The following PCDH15 variants were observed in gnomAD, a reference collection of about 807,000 sequenced individuals.
PCDH15 encodes the protein protocadherin-15.
Under a neutral mutation model 178.5 loss-of-function variants are expected in PCDH15, and 129 were observed. The ratio of observed to expected loss-of-function variants is 0.72; its 90% CI spans 0.63 to 0.84. The LOEUF (loss-of-function observed/expected upper bound fraction) is 0.84, where lower values mean the gene tolerates loss of function less well. PCDH15 is among the 40% of genes least tolerant of loss of function. PCDH15 has a pLI of 0.00. For missense variants in PCDH15, 2,230 were observed against 2,099.9 expected (o/e 1.06, Z -1.21); for synonymous variants, 800 against 732.0 (o/e 1.09, Z -1.50).
At chr10:54,802,203 T>G (rs1174835150), upstream of PCDH15, among the ~76,000 whole-genome samples, 1 of 152,132 alleles carries the variant, frequency 6.6e-6, no homozygotes, top group Non-Finnish European at 1.5e-5. Flanking sequence ...ACATTAACTC[T>G]AAGAAGAAAA....
intron 2 of PCDH15, among the ~76,000 whole-genome samples, chr10:55,033,259 G>A (rs1840655142): frequency 1.3e-5 from 2 of 152,132 alleles, no homozygotes; most frequent in South Asian, 4.1e-4. Flanking sequence ...ATGATTGATG[G>A]AGTTGTGGCA....
chr10:55,255,960 C>A lies in PCDH15; in HGVS notation c.-156+63639G>T, dbSNP rs576355697. ...CAGAAGCTGTTTAGTTTAATTAGATCCCATTTGTCAATTTTGGCTTTTGTT... is the reference window on the plus strand; with the variant it reads ...CAGAAGCTGTTTAGTTTAATTAGATACCATTTGTCAATTTTGGCTTTTGTT... On this transcript the variant is annotated intron_variant, in intron 1 of 5. Coordinates refer to the PCDH15 transcript ENST00000458638. Among the ~76,000 whole-genome samples, 1,160 of 152,180 alleles carry A rather than the reference C, an allele frequency of 7.6e-3. 11 individuals are homozygous for A. Among genetic ancestry groups the A allele is most frequent in the African/African-American group, 0.026 (1,086 of 41,510 alleles).
At chr10:55,114,572 C>CT (rs1304931912) in intron 2 of PCDH15, among the ~76,000 whole-genome samples, 1 of 152,174 alleles carries the variant, frequency 6.6e-6, no homozygotes, top group African/African-American at 2.4e-5. Flanking sequence ...ACAACTATGA[C>CT]TAAGTTAGGC....
intron 2 of PCDH15, chr10:54,600,690 A>G: frequency 7.1e-6 from 4 of 560,478 alleles, no homozygotes; most frequent in South Asian, 5.7e-5. Flanking sequence ...CTAAGATTTG[A>G]GTCCACTGCA....
intron 2 of PCDH15, among the ~76,000 whole-genome samples, chr10:54,984,792 A>G (rs1839323382): frequency 6.6e-6 from 1 of 152,152 alleles, no homozygotes; most frequent in African/African-American, 2.4e-5. Context: ...ACCCACATTC[A>G]TATCACTGCA....
intron 2 of PCDH15, among the ~76,000 whole-genome samples, chr10:55,016,935 A>G (rs1335850477): frequency 6.7e-6 from 1 of 149,494 alleles, no homozygotes; most frequent in Admixed American, 6.8e-5. Flanking sequence ...CTGGGCCCTA[A>G]TGAGTAAGAG....
chr10:53,921,666 T>C (rs1042237009), intron 25 of PCDH15, among the ~76,000 whole-genome samples: 3 of 152,182 alleles, frequency 2.0e-5, no homozygotes, highest in Non-Finnish European at 2.9e-5. Context: ...CAAAAAGGAA[T>C]TGCTACTTGA....
rs1346131233 is a variant in PCDH15, at chr10:54,655,290, GAGAGAGAGAGAGAC to G, written c.91+8868_91+8881del. Among the ~76,000 whole-genome samples the G allele has an allele frequency of 1.8e-3, 229 of 125,974 alleles. 1 individual carries two copies. Among genetic ancestry groups the G allele is most frequent in the Middle Eastern group, 4.0e-3 (1 of 250 alleles). The allele number at this position is 125,974 out of a possible 152,430, so 82.6% of individuals were successfully genotyped here. A position where few individuals can be genotyped will look rare whatever the true frequency, so the allele number is the denominator to read the frequency against. ...AGAGAGAGAGAGAGAGAGAGAGAGA[GAGAGAGAGAGAGAC>G]AGAGAGAGAGACAGAGAAAGAGAGA... On this transcript the variant is annotated intron_variant, in intron 2 of 37. Transcript: ENST00000644397.
chr10:55,524,462 A>G (rs1439018824), intron 2 of PCDH15, among the ~76,000 whole-genome samples: 1 of 151,682 alleles, frequency 6.6e-6, no homozygotes, highest in Non-Finnish European at 1.5e-5. Flanking sequence ...TATCTCATTA[A>G]TGGTGTTAAT....
At chr10:54,000,266 C>A (rs998077165) in intron 20 of PCDH15, among the ~76,000 whole-genome samples, 51 of 152,194 alleles carry the variant, frequency 3.4e-4, no homozygotes, top group Non-Finnish European at 5.1e-4. Flanking sequence ...CGCTTAAATG[C>A]CCAGACACAG....
intron 2 of PCDH15, among the ~76,000 whole-genome samples, chr10:55,328,217 T>C (rs1420742386): frequency 6.8e-6 from 1 of 147,666 alleles, no homozygotes; most frequent in Non-Finnish European, 1.5e-5. Context: ...ATATATATTT[T>C]ACAATAGGAC....
At chr10:54,389,909 C>T (rs1950345217) in intron 3 of PCDH15, among the ~76,000 whole-genome samples, 2 of 152,082 alleles carry the variant, frequency 1.3e-5, no homozygotes, top group African/African-American at 2.4e-5. Context: ...TGCCATTGCA[C>T]TCCAGCCTGG....
At chr10:54,237,069 C>G in intron 8 of PCDH15, 138 bp from the exon 9 acceptor site, 1 of 768,744 alleles carries the variant, frequency 1.3e-6, no homozygotes, top group Non-Finnish European at 2.3e-6. Context: ...GATCTAATAC[C>G]TTTTACTAGT....
At chr10:54,139,923 A>G (rs1032285905) in intron 14 of PCDH15, among the ~76,000 whole-genome samples, 1 of 152,216 alleles carries the variant, frequency 6.6e-6, no homozygotes, top group Non-Finnish European at 1.5e-5. Context: ...GGTTATTAAA[A>G]AAAGAACAGA....
At chr10:54,534,815 C>A (rs2084304754) in intron 2 of PCDH15, among the ~76,000 whole-genome samples, 1 of 152,164 alleles carries the variant, frequency 6.6e-6, no homozygotes, top group Non-Finnish European at 1.5e-5. Flanking sequence ...TTGGTATATT[C>A]ATTTTCAGGA....
chr10:55,028,482 G>A (rs1840530198), intron 2 of PCDH15, among the ~76,000 whole-genome samples: 1 of 151,750 alleles, frequency 6.6e-6, no homozygotes, highest in Non-Finnish European at 1.5e-5. Context: ...TTATAACAAA[G>A]ACAAATTTTG....
At chr10:54,884,714 C>T (rs1162818331) in intron 3 of PCDH15, among the ~76,000 whole-genome samples, 2 of 100,182 alleles carry the variant, frequency 2.0e-5, no homozygotes, top group East Asian at 7.0e-4. Context: ...AAGTGAATAG[C>T]CAAATTGTTT....
chr10:55,463,260 TAG>T (rs1295486951), intron 2 of PCDH15, among the ~76,000 whole-genome samples: 1 of 152,150 alleles, frequency 6.6e-6, no homozygotes, highest in East Asian at 1.9e-4. Context: ...CTAGAATGAC[TAG>T]AGTTATACTG....
intron 3 of PCDH15, among the ~76,000 whole-genome samples, chr10:54,483,478 A>G (rs1018591208): frequency 1.3e-5 from 2 of 151,950 alleles, no homozygotes; most frequent in African/African-American, 4.8e-5. Flanking sequence ...CCATTAGATA[A>G]TGTCAGCTCC....
Sources: allele counts gnomAD v4.1 joint callset (sites outside exome capture counted in the v4.1 genomes callset), GRCh38; gene constraint gnomAD v4.1.1; transcripts MANE v1.5; gene names NCBI Gene and HGNC (gene_info 2026-07-23, HGNC 2026-07-21).